ARL15: variants seen among roughly 807,000 people sequenced by gnomAD.
ARL15 encodes the protein ARF like GTPase 15.
A neutral mutation model predicts 25.2 loss-of-function variants in ARL15; 19 were observed. The observed-to-expected ratio is 0.75, with a 90% CI of 0.53 to 1.10. The LOEUF is 1.10. ARL15 is among the 50% of genes least tolerant of loss of function. ARL15 has a pLI of 0.00. For synonymous variants in ARL15, 94 were observed against 86.8 expected, an observed-to-expected ratio of 1.08 and a Z score of -0.46; for missense variants, 220 against 246.0, an observed-to-expected ratio of 0.89 and a Z score of 0.71.
At chr5:54,029,928 T>C (rs1749923765) in intron 4 of ARL15, among the ~76,000 whole-genome samples, 1 of 150,052 alleles carries the variant, frequency 6.7e-6, no homozygotes, top group African/African-American at 2.5e-5. Context: ...ACCTGGGAGG[T>C]AGAGCTTGCA....
chr5:54,139,765 G>T (rs532046630), intron 3 of ARL15, among the ~76,000 whole-genome samples: 2 of 152,246 alleles, frequency 1.3e-5, no homozygotes, highest in East Asian at 3.9e-4. Context: ...CCAGGAGGTG[G>T]AGGCTGCAGT....
At chr5:54,174,599 C>G (rs1422356998) in intron 1 of ARL15, among the ~76,000 whole-genome samples, 2 of 152,186 alleles carry the variant, frequency 1.3e-5, no homozygotes, top group African/African-American at 4.8e-5. Flanking sequence ...ATGTTCTTCT[C>G]TGATCTTCCT....
intron 1 of ARL15, among the ~76,000 whole-genome samples, chr5:54,303,845 G>C (rs1758681744): frequency 6.6e-6 from 1 of 152,102 alleles, no homozygotes; most frequent in Admixed American, 6.5e-5. Flanking sequence ...CTAGGGGGCT[G>C]AGTAAGGAGG....
intron 3 of ARL15, among the ~76,000 whole-genome samples, chr5:54,114,059 A>G (rs1752818298): frequency 6.6e-6 from 1 of 152,150 alleles, no homozygotes; most frequent in African/African-American, 2.4e-5. Flanking sequence ...TATGATCTCA[A>G]TGAGATAAGA....
chr5:53,989,576 GGTGTGTGT>G (rs34198507), intron 4 of ARL15, among the ~76,000 whole-genome samples: 2 of 149,496 alleles, frequency 1.3e-5, no homozygotes, highest in Non-Finnish European at 3.0e-5. Context: ...ACCAGGGAGG[GGTGTGTGT>G]GTGTGTGTGT....
At chr5:54,257,812 A>G (rs1043193114) in intron 1 of ARL15, among the ~76,000 whole-genome samples, 1 of 152,182 alleles carries the variant, frequency 6.6e-6, no homozygotes, top group Admixed American at 6.5e-5. Flanking sequence ...AGGGATAGGT[A>G]CTTGTTTTCA....
At chr5:54,186,692 T>C (rs1755250291) in intron 1 of ARL15, among the ~76,000 whole-genome samples, 1 of 152,224 alleles carries the variant, frequency 6.6e-6, no homozygotes, top group South Asian at 2.1e-4. Flanking sequence ...ATTTGCTTTA[T>C]ATTATTCCCT....
chr5:54,173,404 C>T (rs995568608), intron 1 of ARL15, among the ~76,000 whole-genome samples: 1 of 152,042 alleles, frequency 6.6e-6, no homozygotes, highest in Non-Finnish European at 1.5e-5. Flanking sequence ...CAGATCCACT[C>T]ACTTTTGGGT....
chr5:53,900,597 C>A (rs934600332), intron 4 of ARL15, among the ~76,000 whole-genome samples: 2 of 151,170 alleles, frequency 1.3e-5, no homozygotes, highest in African/African-American at 2.4e-5. Flanking sequence ...ATGTGAGACA[C>A]AAAGAGGATA....
intron 4 of ARL15, among the ~76,000 whole-genome samples, chr5:54,078,931 GA>G (rs1003181004): frequency 1.3e-5 from 2 of 151,912 alleles, no homozygotes; most frequent in African/African-American, 2.4e-5. Flanking sequence ...ATAAAAGGGG[GA>G]AATAATTATT....
intron 4 of ARL15, among the ~76,000 whole-genome samples, chr5:53,976,021 C>T (rs760913853): frequency 4.1e-4 from 63 of 152,184 alleles, no homozygotes; most frequent in Non-Finnish European, 6.6e-4. Flanking sequence ...TGTGTGCCAT[C>T]AATGTTCTGT....
At chr5:54,062,322 A>C (rs1751092443) in intron 4 of ARL15, among the ~76,000 whole-genome samples, 2 of 152,010 alleles carry the variant, frequency 1.3e-5, no homozygotes, top group African/African-American at 4.8e-5. Flanking sequence ...ACTTGTTTTG[A>C]AATGTGAGGA....
chr5:54,133,631 A>G (rs780657582), intron 3 of ARL15, among the ~76,000 whole-genome samples: 3 of 152,204 alleles, frequency 2.0e-5, no homozygotes, highest in Non-Finnish European at 4.4e-5. Flanking sequence ...AAGGATAAGA[A>G]AACAATGACA....
chr5:54,123,235 A>G (rs1053170742), intron 3 of ARL15, among the ~76,000 whole-genome samples: 12 of 148,690 alleles, frequency 8.1e-5, no homozygotes, highest in Admixed American at 2.7e-4. Flanking sequence ...TCAGCCTCCC[A>G]ACTAGCTGGG....
At chr5:54,062,517 G>GA (rs71577097) in intron 4 of ARL15, among the ~76,000 whole-genome samples, 1,953 of 113,288 alleles carry the variant, frequency 0.017, 18 homozygotes, top group African/African-American at 0.045. Context: ...GGTGGTTAAG[G>GA]AAAAAAAAAA....
chr5:54,156,634 C>T (rs1210274878), intron 2 of ARL15, among the ~76,000 whole-genome samples: 1 of 152,114 alleles, frequency 6.6e-6, no homozygotes, highest in Non-Finnish European at 1.5e-5. Flanking sequence ...GTTGGAGTGA[C>T]GAAGATGTCA....
chr5:54,165,307 G>A (rs911392988), intron 2 of ARL15, among the ~76,000 whole-genome samples: 1 of 151,800 alleles, frequency 6.6e-6, no homozygotes, highest in Non-Finnish European at 1.5e-5. Flanking sequence ...TTGCATTTCT[G>A]GCAGTCTCCA....
At chr5:53,895,378 A>G (rs993908929) in intron 4 of ARL15, among the ~76,000 whole-genome samples, 9 of 152,134 alleles carry the variant, frequency 5.9e-5, no homozygotes, top group Admixed American at 3.9e-4. Flanking sequence ...GCCATATTTT[A>G]TTTCCTCTCT....
At chr5:54,129,398 A>C (rs1299741249) in intron 3 of ARL15, among the ~76,000 whole-genome samples, 1 of 152,208 alleles carries the variant, frequency 6.6e-6, no homozygotes, top group African/African-American at 2.4e-5. Flanking sequence ...AGAAGTAGTA[A>C]ATCATTATGT....
Sources: gnomAD v4.1 joint callset for allele counts (sites outside exome capture counted in the v4.1 genomes callset) on GRCh38, gnomAD v4.1.1 for gene constraint, MANE v1.5 for transcripts, NCBI Gene and HGNC (gene_info 2026-07-23, HGNC 2026-07-21) for gene names.